The following HNF1B variants were observed in gnomAD, a reference collection of about 807,000 sequenced individuals.
HNF1B encodes the protein hepatocyte nuclear factor 1-beta.
In HNF1B, 8 loss-of-function variants were observed where a neutral mutation model predicts 61.7. The ratio of observed to expected loss-of-function variants is 0.13; its 90% CI spans 0.08 to 0.23. The LOEUF (loss-of-function observed/expected upper bound fraction) is 0.23. Among genes scored for constraint, HNF1B ranks in the 10% least tolerant of loss-of-function variants. The pLI is 1.00. For missense variants in HNF1B, 562 were observed against 714.5 expected (o/e 0.79, Z 2.43); for synonymous variants, 314 against 287.7 (o/e 1.09, Z -0.93).
intron 4 of HNF1B, among the ~76,000 whole-genome samples, chr17:37,711,791 CT>C (rs2032943783): frequency 6.6e-6 from 1 of 152,212 alleles, no homozygotes; most frequent in African/African-American, 2.4e-5. Flanking sequence ...TGGACCAACT[CT>C]TTAGCTGCAC....
At chr17:37,725,202 G>A (rs2033457755) in intron 4 of HNF1B, among the ~76,000 whole-genome samples, 1 of 152,184 alleles carries the variant, frequency 6.6e-6, no homozygotes, top group South Asian at 2.1e-4. Flanking sequence ...CCAGGGCTGT[G>A]TGCTTGCAGG....
chr17:37,734,815 T>C (rs1437619503), intron 2 of HNF1B, among the ~76,000 whole-genome samples: 2 of 148,528 alleles, frequency 1.3e-5, no homozygotes, highest in African/African-American at 5.0e-5. Flanking sequence ...TGAGACAGAG[T>C]TTGCCTCTTG....
At chr17:37,725,814 G>A (rs763827565) in intron 4 of HNF1B, among the ~76,000 whole-genome samples, 2 of 152,238 alleles carry the variant, frequency 1.3e-5, no homozygotes, top group Non-Finnish European at 2.9e-5. Flanking sequence ...GGAGCTCCCA[G>A]AGGTGAGCTG....
chr17:37,688,424 T>TAA (rs1371207650), intron 8 of HNF1B, among the ~76,000 whole-genome samples: 1 of 95,426 alleles, frequency 1.0e-5, no homozygotes, highest in Non-Finnish European at 2.2e-5. Context: ...CACACACACT[T>TAA]ACACCTACCA....
In HNF1B at chr17:37,688,173, G is replaced by A. The variant is rs141058923; in HGVS notation, c.1654-781C>T. Among the ~76,000 whole-genome samples, 706 of 152,272 alleles carry A rather than the reference G, an allele frequency of 4.6e-3. 8 individuals are homozygous for A. The highest frequency in any genetic ancestry group is 0.016 in the African/African-American group (682 of 41,546). On this transcript the variant is annotated intron_variant, in intron 8 of 8. Coordinates refer to ENST00000617811, the MANE Select transcript of HNF1B (RefSeq NM_000458.4). Reference sequence around the variant, plus strand: ...CCAGAATGGCTGGAGAAGCCCTCGAGAGAAGCCACCTCACCCAACTCAGGG... The same window carrying A: ...CCAGAATGGCTGGAGAAGCCCTCGAAAGAAGCCACCTCACCCAACTCAGGG...
intron 2 of HNF1B, among the ~76,000 whole-genome samples, chr17:37,738,389 T>A (rs1238463966): frequency 6.6e-6 from 1 of 152,140 alleles, no homozygotes; most frequent in East Asian, 1.9e-4. Context: ...AACAATCACT[T>A]CAGAGCAGTG....
At chr17:37,744,451 G>T in intron 1 of HNF1B, 90 bp downstream of exon 1, 2 of 1,336,478 alleles carry the variant, frequency 1.5e-6, no homozygotes, top group Non-Finnish European at 2.1e-6. Context: ...AAACGGGCTT[G>T]GCGAGTGTGG....
chr17:37,744,228 G>T (rs113875645), intron 1 of HNF1B, among the ~76,000 whole-genome samples: 1 of 152,220 alleles, frequency 6.6e-6, no homozygotes, highest in Non-Finnish European at 1.5e-5. Flanking sequence ...ACCTTCAGTC[G>T]CGTGGGCAAA....
At chr17:37,724,113 C>T (rs1055399088) in intron 4 of HNF1B, among the ~76,000 whole-genome samples, 1 of 152,160 alleles carries the variant, frequency 6.6e-6, no homozygotes, top group African/African-American at 2.4e-5. Context: ...GCTAATCCAA[C>T]TCCAGTACTC....
At chr17:37,691,457 A>G (rs995253785) in intron 8 of HNF1B, among the ~76,000 whole-genome samples, 2 of 151,912 alleles carry the variant, frequency 1.3e-5, no homozygotes, top group Non-Finnish European at 2.9e-5. Flanking sequence ...ACTTCTTTCA[A>G]CCCCCTCAAC....
chr17:37,689,234 A>G (rs1196740387), intron 8 of HNF1B, among the ~76,000 whole-genome samples: 1 of 150,672 alleles, frequency 6.6e-6, no homozygotes, highest in Non-Finnish European at 1.5e-5. Flanking sequence ...CATTCTTGAG[A>G]CGTTGGTCAG....
At chr17:37,724,344 A>G (rs902958167) in intron 4 of HNF1B, among the ~76,000 whole-genome samples, 1 of 152,068 alleles carries the variant, frequency 6.6e-6, no homozygotes, top group African/African-American at 2.4e-5. Context: ...GAAAGTTTTA[A>G]CTACTGATAT....
chr17:37,742,916 T>TC (rs890749324), intron 1 of HNF1B, among the ~76,000 whole-genome samples: 78 of 151,372 alleles, frequency 5.2e-4, no homozygotes, highest in Admixed American at 1.2e-3. Flanking sequence ...TTGATCTCCT[T>TC]CCCCCCTCTA....
chr17:37,731,724 C>G lies in HNF1B; in HGVS notation c.916G>C (p.Glu306Gln), dbSNP rs1461134939. 6.2e-7 allele frequency: 1 copy of G among 1,614,028 alleles called. No homozygotes were observed. The highest frequency in any genetic ancestry group is 8.5e-7 in the Non-Finnish European group (1 of 1,180,016). The change falls in exon 4 of 9, where the codon GAG (glutamate) becomes CAG (glutamine). Residue 306 changes from glutamate (E) to glutamine (Q), a missense_variant. Coordinates refer to ENST00000617811, the MANE Select transcript of HNF1B (RefSeq NM_000458.4). ...GCCAGCTTTTGCCGGAATGCCTCCT[C>G]CTTCCTGCGGTTTGCAAACCAGTTG... ...VYNWFANRRK[E>Q]EAFRQKLAMD...
intron 2 of HNF1B, among the ~76,000 whole-genome samples, chr17:37,736,508 G>C (rs2033837684): frequency 1.3e-5 from 2 of 152,134 alleles, no homozygotes; most frequent in African/African-American, 2.4e-5. Context: ...TGTGGACTTG[G>C]GGCAGGAGCC....
Position 37,744,570 on chromosome 17 carries a change from C to T in HNF1B, c.315G>A (p.Glu105=), listed in dbSNP as rs1347858100. The part of the protein sequence containing the change: ...LQALNTEEAA[E]QRAEVDRMLS... Reference sequence around the variant, plus strand: ...GCATCCGGTCCACCTCCGCCCGCTGCTCCGCCGCCTCCTCGGTGTTGAGCG... The same window carrying T: ...GCATCCGGTCCACCTCCGCCCGCTGTTCCGCCGCCTCCTCGGTGTTGAGCG... The change falls in exon 1 of 9, where the codon GAG becomes GAA. Residue 105 remains glutamate (E), a synonymous_variant. Coordinates refer to ENST00000617811, the MANE Select transcript of HNF1B (RefSeq NM_000458.4). 6.2e-7 allele frequency: 1 copy of T among 1,605,472 alleles called. No individual in the cohort carries two copies. Among genetic ancestry groups the T allele is most frequent in the Non-Finnish European group, 8.5e-7 (1 of 1,179,908 alleles).
Position 37,731,850 on chromosome 17 carries a change from A to G in HNF1B, c.810-20T>C. The stretch of plus-strand genomic sequence containing the variant: ...TCTGCCCTGGGAATGGATGGAGGGG[A>G]GATGGTGAGTGAGGGGGGGCGGGGG... On this transcript the variant is annotated intron_variant, in intron 3 of 8. Transcript: ENST00000617811. 4 of 848,066 alleles carry G rather than the reference A, an allele frequency of 4.7e-6. No homozygotes were observed. Among genetic ancestry groups the G allele is most frequent in the South Asian group, 1.3e-5 (1 of 74,342 alleles). The allele number at this position is 848,066 out of a possible 1,614,324, so 52.5% of individuals were successfully genotyped here.
chr17:37,744,254 C>A (rs2034094388), intron 1 of HNF1B, among the ~76,000 whole-genome samples: 1 of 152,246 alleles, frequency 6.6e-6, no homozygotes, highest in Non-Finnish European at 1.5e-5. Context: ...CGGCAAAGGG[C>A]TCCACAGCTC....
intron 4 of HNF1B, among the ~76,000 whole-genome samples, chr17:37,714,797 C>G (rs2033050190): frequency 6.6e-6 from 1 of 152,158 alleles, no homozygotes; most frequent in African/African-American, 2.4e-5. Flanking sequence ...CTTGCTCTGC[C>G]TTCCTGTGCC....
Sources: gnomAD v4.1 joint callset for allele counts (sites outside exome capture counted in the v4.1 genomes callset) on GRCh38, gnomAD v4.1.1 for gene constraint, MANE v1.5 for transcripts, NCBI Gene and HGNC (gene_info 2026-07-23, HGNC 2026-07-21) for gene names.